Variants in LRRK2 observed in about 807,000 individuals in gnomAD.
LRRK2 encodes leucine rich repeat kinase 2.
In LRRK2, 203 loss-of-function variants were observed where a neutral mutation model predicts 302.6. The ratio of observed to expected loss-of-function variants is 0.67; its 90% CI spans 0.60 to 0.75. The LOEUF is 0.75. Ranked by LOEUF, LRRK2 falls within the 30% of genes least tolerant of loss-of-function variation. The probability of loss-of-function intolerance (pLI) is 0.00; values close to 1 mark genes in which losing one functional copy is unlikely to be tolerated. For synonymous variants in LRRK2, 1,066 were observed against 1,031.9 expected, an observed-to-expected ratio of 1.03 and a Z score of -0.63; for missense variants, 2,830 against 2,951.0, an observed-to-expected ratio of 0.96 and a Z score of 0.95.
intron 39 of LRRK2, 118 bp from the exon 40 acceptor site, chr12:40,334,849 G>T (rs1945821546): frequency 8.6e-7 from 1 of 1,158,384 alleles, no homozygotes; most frequent in Non-Finnish European, 1.3e-6. Context: ...TGGAAAGTTT[G>T]CTATGATCCA....
intron 20 of LRRK2, among the ~76,000 whole-genome samples, chr12:40,288,483 G>C (rs1944015354): frequency 6.6e-6 from 1 of 151,630 alleles, no homozygotes; most frequent in African/African-American, 2.4e-5. Context: ...GTTTTCTCTA[G>C]TTTTATATAC....
intron 41 of LRRK2, among the ~76,000 whole-genome samples, chr12:40,345,622 CAAAA>C (rs144415226): frequency 2.8e-4 from 19 of 67,508 alleles, no homozygotes; most frequent in African/African-American, 1.1e-3. Context: ...GACTCCATCT[CAAAA>C]AAAAAAAAAA....
At chr12:40,300,161 T>C (rs936560484) in intron 25 of LRRK2, among the ~76,000 whole-genome samples, 5 of 152,196 alleles carry the variant, frequency 3.3e-5, no homozygotes, top group Non-Finnish European at 7.3e-5. Flanking sequence ...AAATTAATCA[T>C]TTAATGGTTT....
chr12:40,232,374 G>A lies in LRRK2; in HGVS notation c.338G>A (p.Gly113Asp). Residue 113 changes from glycine (G) to aspartate (D), a missense_variant, in exon 3 of 51, where the codon GGT (glycine) becomes GAT (aspartate). Coordinates refer to ENST00000298910, the MANE Select transcript of LRRK2 (RefSeq NM_198578.4). The part of the protein sequence containing the change: ...QDVGNDWEVL[G>D]VHQLILKMLT... ...GTTGGAAATGATTGGGAAGTCCTTG[G>A]TGTTCACCAGTAAGTATGATAGATA... The A allele has an allele frequency of 6.2e-7, 1 of 1,610,904 alleles. No homozygotes were observed. The highest frequency in any genetic ancestry group is 1.1e-5 in the South Asian group (1 of 91,024).
At chr12:40,340,194 G>T in intron 40 of LRRK2, 100 bp from the exon 41 acceptor site, 1 of 1,216,232 alleles carries the variant, frequency 8.2e-7, no homozygotes. Flanking sequence ...CAGAATTTTT[G>T]ATGCTTGACA....
rs535057213 is a variant in LRRK2, at chr12:40,245,046, T to C, written c.838+1365T>C. Among the ~76,000 whole-genome samples the C allele has an allele frequency of 3.3e-5, 5 of 151,908 alleles. No individual in the cohort carries two copies. In the South Asian group the frequency reaches 1.0e-3, roughly 32 times the overall value. On this transcript the variant is annotated intron_variant, in intron 7 of 50. Coordinates refer to ENST00000298910, the MANE Select transcript of LRRK2 (RefSeq NM_198578.4). ...ATACCTTCCCTTGACTTGTAGCATG[T>C]CTTTTCACCGTCTTTATGGTGGCTT...
rs781406661 is a variant in LRRK2, at chr12:40,308,486, A to G, written c.3979A>G (p.Lys1327Glu). Residue 1327 changes from lysine (K) to glutamate (E), a missense_variant, in exon 29 of 51, where the codon AAA (lysine) becomes GAA (glutamate). Coordinates refer to ENST00000298910, the MANE Select transcript of LRRK2 (RefSeq NM_198578.4). ...TACTAGGTTTCTTCAACAGCGATTA[A>G]AAAAGGCTGTGCCTTATAACCGAAT... The part of the protein sequence containing the change: ...DIIRFLQQRL[K>E]KAVPYNRMKL... 3 of 1,613,582 alleles carry G rather than the reference A, an allele frequency of 1.9e-6. No homozygotes were observed. In the South Asian group the frequency reaches 3.3e-5, roughly 18 times the overall value.
intron 23 of LRRK2, among the ~76,000 whole-genome samples, chr12:40,296,691 C>T (rs947297752): frequency 4.0e-5 from 6 of 151,496 alleles, no homozygotes; most frequent in African/African-American, 1.2e-4. Flanking sequence ...AAAAATTAAT[C>T]ATAATTTTGA....
chr12:40,302,298 A>G (rs1420830127), intron 25 of LRRK2, among the ~76,000 whole-genome samples: 2 of 152,096 alleles, frequency 1.3e-5, no homozygotes, highest in East Asian at 3.8e-4. Flanking sequence ...TTAAGATTAT[A>G]TGATCGAAGA....
At position 40,284,140 on chromosome 12, in the gene LRRK2, A is replaced by G. The variant is rs200958423; in HGVS notation, c.2500+7A>G. ...AATTTAAGGAAACAAACAAGTAAGT[A>G]ACAAGGAGAATATTTTTTACAATTC... On this transcript the variant is annotated splice_region_variant and intron_variant, in intron 19 of 50. Coordinates refer to ENST00000298910, the MANE Select transcript of LRRK2 (RefSeq NM_198578.4). The G allele has an allele frequency of 4.4e-6, 7 of 1,599,604 alleles. No individual in the cohort carries two copies. Among genetic ancestry groups the G allele is most frequent in the Non-Finnish European group, 6.0e-6 (7 of 1,169,258 alleles).
In LRRK2 at chr12:40,368,798, G is replaced by A. The variant is rs772997481; in HGVS notation, c.*1033G>A. 3.3e-5 allele frequency: 5 copies of A among 151,320 alleles called. No individual in the cohort carries two copies. Among genetic ancestry groups the A allele is most frequent in the African/African-American group, 1.2e-4 (5 of 41,216 alleles). The allele number at this position is 151,320 out of a possible 1,614,324, so 9.4% of individuals were successfully genotyped here. A position where few individuals can be genotyped will look rare whatever the true frequency, so the allele number is the denominator to read the frequency against. On this transcript the variant is annotated 3_prime_UTR_variant, in exon 51 of 51. Transcript: ENST00000298910. Reference sequence around the variant, plus strand: ...GGAGAAAGGAGCTTTAGTTATGATGGATAAAAATATCTGCCACCCTAGGCT... The same window carrying A: ...GGAGAAAGGAGCTTTAGTTATGATGAATAAAAATATCTGCCACCCTAGGCT...
rs747881946 is a variant in LRRK2 at position 40,305,767 on chromosome 12, C to CT, written c.3778-10dup. ...TTCCTTCCCACCAACAGGTTTTGCC[C>CT]TTTTTTTTCCCATTAAGATTCCTCC... On this transcript the variant is annotated splice_polypyrimidine_tract_variant and intron_variant, in intron 27 of 50. Coordinates refer to ENST00000298910, the MANE Select transcript of LRRK2 (RefSeq NM_198578.4). 3.9e-5 allele frequency: 63 copies of CT among 1,610,578 alleles called. No individual in the cohort carries two copies. The highest frequency in any genetic ancestry group is 3.1e-4 in the East Asian group (14 of 44,778).
At chr12:40,356,234 G>T in intron 46 of LRRK2, 47 bp downstream of exon 46, 1 of 1,335,762 alleles carries the variant, frequency 7.5e-7, no homozygotes. Flanking sequence ...TAAGTCTTTT[G>T]TTTTATATAT....
At chr12:40,231,931 G>C (rs1941218358) in intron 2 of LRRK2, among the ~76,000 whole-genome samples, 1 of 151,650 alleles carries the variant, frequency 6.6e-6, no homozygotes, top group Non-Finnish European at 1.5e-5. Context: ...AGCCTCCCGA[G>C]TAGCTGAGAT....
Position 40,251,530 on chromosome 12 carries a change from A to G in LRRK2, c.1167A>G (p.Gly389=). 5 of 1,611,612 alleles carry G rather than the reference A, an allele frequency of 3.1e-6. No individual in the cohort carries two copies. Among genetic ancestry groups the G allele is most frequent in the Non-Finnish European group, 3.4e-6 (4 of 1,178,508 alleles). Residue 389 remains glycine, a synonymous_variant, in exon 10 of 51, where the codon GGA becomes GGG. Coordinates refer to ENST00000298910, the MANE Select transcript of LRRK2 (RefSeq NM_198578.4). ...AAAACAGTTTACATGAGAAGATTGG[A>G]GATGAAGATGGCCAGTTAGTAGTTT... The part of the protein sequence containing the change: ...MYQNSLHEKI[G]DEDGHFPAHR...
intron 7 of LRRK2, among the ~76,000 whole-genome samples, chr12:40,246,830 A>G (rs1942007623): frequency 6.6e-6 from 1 of 151,972 alleles, no homozygotes; most frequent in South Asian, 2.1e-4. Context: ...CCACAAGACT[A>G]CTCTGGCGTT....
chr12:40,270,720 A>G (rs1013085204), intron 14 of LRRK2, among the ~76,000 whole-genome samples: 1 of 152,096 alleles, frequency 6.6e-6, no homozygotes, highest in African/African-American at 2.4e-5. Context: ...GTCCTGGGAT[A>G]TGGTATCCTC....
At chr12:40,313,520 A>C (rs1343798347) in intron 31 of LRRK2, among the ~76,000 whole-genome samples, 1 of 152,036 alleles carries the variant, frequency 6.6e-6, no homozygotes, top group Non-Finnish European at 1.5e-5. Flanking sequence ...AACATTTTAC[A>C]AATAACCAAG....
chr12:40,306,682 C>T (rs984638889), intron 28 of LRRK2, among the ~76,000 whole-genome samples: 13 of 152,184 alleles, frequency 8.5e-5, no homozygotes, highest in African/African-American at 3.1e-4. Flanking sequence ...GAGACCATGG[C>T]TGTGTTCACT....
Sources: allele counts gnomAD v4.1 joint callset (sites outside exome capture counted in the v4.1 genomes callset), GRCh38; gene constraint gnomAD v4.1.1; transcripts MANE v1.5; gene names NCBI Gene and HGNC (gene_info 2026-07-23, HGNC 2026-07-21).